Variants in CDH23 observed in about 807,000 individuals in gnomAD.
The protein encoded by CDH23 is cadherin related 23, also known as cadherin-23.
In CDH23, 189 loss-of-function variants were observed where a neutral mutation model predicts 317.1. That is an observed-to-expected ratio of 0.60 (90% CI 0.53 to 0.67). The LOEUF (loss-of-function observed/expected upper bound fraction) is 0.67, where lower values mean the gene tolerates loss of function less well. CDH23 is among the 30% of genes least tolerant of loss of function. The pLI is 0.00. For synonymous variants in CDH23, 1,839 were observed against 1,876.8 expected, an observed-to-expected ratio of 0.98 and a Z score of 0.52; for missense variants, 4,401 against 4,592.4, an observed-to-expected ratio of 0.96 and a Z score of 1.20.
chr10:71,682,681 G>A, intron 18 of CDH23, 109 bp downstream of exon 18: 3 of 1,382,744 alleles, frequency 2.2e-6, no homozygotes, highest in South Asian at 1.3e-5. Flanking sequence ...GGCTGTCCCT[G>A]CACCTTGGGG....
rs549521942 is a variant in CDH23 at position 71,759,743 on chromosome 10, C to T, written c.4845+17822C>T. ...AGAAGAATCGCTTGAATCCGGGAGGCGGAGGTTGCAGTGAGCCCAGATCGC... is the reference window on the plus strand; with the variant it reads ...AGAAGAATCGCTTGAATCCGGGAGGTGGAGGTTGCAGTGAGCCCAGATCGC... On this transcript the variant is annotated intron_variant, in intron 38 of 69. Transcript: ENST00000224721. Among the ~76,000 whole-genome samples the T allele has an allele frequency of 3.0e-4, 45 of 150,652 alleles. No individual in the cohort carries two copies. In the South Asian group the frequency reaches 4.9e-3, roughly 16 times the overall value.
At chr10:71,407,159 A>T (rs1008702276) in intron 1 of CDH23, among the ~76,000 whole-genome samples, 2 of 152,222 alleles carry the variant, frequency 1.3e-5, no homozygotes, top group Non-Finnish European at 2.9e-5. Context: ...ATTACTTTGT[A>T]CTGCACTTAC....
At chr10:71,657,123 T>C (rs1361699582) in intron 14 of CDH23, among the ~76,000 whole-genome samples, 5 of 152,126 alleles carry the variant, frequency 3.3e-5, no homozygotes, top group Non-Finnish European at 7.4e-5. Context: ...TGCGTCTCCA[T>C]CTCCGCCTGA....
intron 28 of CDH23, chr10:71,715,643 T>C (rs1479615616): frequency 6.5e-5 from 19 of 293,112 alleles, no homozygotes. Context: ...AGCCCCAGGT[T>C]GTACCCTGTG....
chr10:71,622,112 T>C (rs1380876608), intron 11 of CDH23, among the ~76,000 whole-genome samples: 1 of 152,138 alleles, frequency 6.6e-6, no homozygotes, highest in Non-Finnish European at 1.5e-5. Context: ...GCAGCCTCAT[T>C]CCCCTGCACC....
At chr10:71,409,158 T>C (rs1262148478) in intron 1 of CDH23, among the ~76,000 whole-genome samples, 4 of 152,198 alleles carry the variant, frequency 2.6e-5, no homozygotes, top group Non-Finnish European at 5.9e-5. Context: ...TTTTGTCTCC[T>C]GAGGCTTTGG....
rs766984170 is a variant in CDH23, at chr10:71,734,377, G to T, written c.4206+36G>T. 5 of 1,568,070 alleles carry T rather than the reference G, an allele frequency of 3.2e-6. No homozygotes were observed. In the South Asian group the frequency reaches 5.8e-5, roughly 18 times the overall value. On this transcript the variant is annotated intron_variant, in intron 33 of 69. Transcript: ENST00000224721. ...CCAGGGTGAGAGTCCCTCAGGTGCG[G>T]CCCATCGCTGGCCATGACACTTCCT...
rs143431631 is a variant in CDH23 at position 71,422,352 on chromosome 10, G to A, written c.-5-17475G>A. Among the ~76,000 whole-genome samples the A allele has an allele frequency of 3.5e-3, 526 of 152,322 alleles. 2 individuals carry two copies. Among genetic ancestry groups the A allele is most frequent in the Non-Finnish European group, 5.7e-3 (386 of 68,030 alleles). ...AATTCTGCCATTGTCACTTACTTCT[G>A]TGAGACCTCAGTCAACTAGACTCTT... On this transcript the variant is annotated intron_variant, in intron 1 of 69. Transcript: ENST00000224721.
At chr10:71,403,078 C>T (rs1847860130) in intron 1 of CDH23, among the ~76,000 whole-genome samples, 2 of 151,988 alleles carry the variant, frequency 1.3e-5, no homozygotes, top group South Asian at 2.1e-4. Flanking sequence ...GCCGAGATCG[C>T]GCCACTGCAC....
chr10:71,705,378 C>T (rs923712041), intron 25 of CDH23, among the ~76,000 whole-genome samples: 1 of 152,200 alleles, frequency 6.6e-6, no homozygotes, highest in African/African-American at 2.4e-5. Context: ...TGCCAAAGCC[C>T]CATCAACCCC....
intron 1 of CDH23, among the ~76,000 whole-genome samples, chr10:71,409,358 G>T (rs1172049493): frequency 6.6e-6 from 1 of 152,162 alleles, no homozygotes; most frequent in Non-Finnish European, 1.5e-5. Flanking sequence ...TCTTCCAAGG[G>T]CAATGAGCTT....
rs368597074 is a variant in CDH23, at chr10:71,815,246, A to T, written c.10033A>T (p.Met3345Leu). The T allele has an allele frequency of 6.3e-7, 1 of 1,588,196 alleles. No homozygotes were observed. Among genetic ancestry groups the T allele is most frequent in the Non-Finnish European group, 8.6e-7 (1 of 1,162,632 alleles). The stretch of plus-strand genomic sequence containing the variant: ...CCTGCACAAACTTCGCGACGTGATC[A>T]TGGAGACCCCCCTGGAGATCACAGA... ...TPLHKLRDVI[M>L]ETPLEITEL Residue 3345 changes from methionine to leucine, a missense_variant, in exon 70 of 70, where the codon ATG becomes TTG. Around this residue, in one of 3 missense-constraint regions of CDH23, gnomAD observed 1,144 missense variants for 1,138.2 expected, o/e 1.01. Coordinates refer to ENST00000224721, the MANE Select transcript of CDH23 (RefSeq NM_022124.6).
Position 71,707,017 on chromosome 10 carries a change from GC to G in CDH23, c.3076del (p.Leu1026SerfsTer27). 1 of 1,607,448 alleles carries G rather than the reference GC, an allele frequency of 6.2e-7. No homozygotes were observed. Among genetic ancestry groups the G allele is most frequent in the East Asian group, 2.2e-5 (1 of 44,604 alleles). On this transcript the variant is annotated frameshift_variant, in exon 26 of 70. Transcript: ENST00000224721. LOFTEE classifies it high-confidence loss of function. ...VWLNCTDNDV[G>X]LNAELSYFIT... The stretch of plus-strand genomic sequence containing the variant: ...CTGAACTGCACGGACAACGACGTGG[GC>G]CTCAATGCAGAGCTCAGCTACTTCA...
intron 6 of CDH23, among the ~76,000 whole-genome samples, chr10:71,519,655 GT>G (rs1854545389): frequency 6.6e-6 from 1 of 152,160 alleles, no homozygotes; most frequent in South Asian, 2.1e-4. Flanking sequence ...CTGAGCCTCA[GT>G]TTTTTCATCT....
At chr10:71,701,399 C>A (rs1425318678) in intron 22 of CDH23, among the ~76,000 whole-genome samples, 1 of 152,158 alleles carries the variant, frequency 6.6e-6, no homozygotes. Flanking sequence ...GGACAGCAGG[C>A]TGTGGGGTTC....
chr10:71,560,607 A>C (rs923581920), intron 6 of CDH23, among the ~76,000 whole-genome samples: 1 of 151,892 alleles, frequency 6.6e-6, no homozygotes, highest in African/African-American at 2.4e-5. Context: ...CTGACCTTCC[A>C]TTTTCCCCAT....
Position 71,807,271 on chromosome 10 carries a change from C to G in CDH23, c.8179-6C>G. 1 of 1,612,638 alleles carries G rather than the reference C, an allele frequency of 6.2e-7. No homozygotes were observed. Among genetic ancestry groups the G allele is most frequent in the African/African-American group, 1.3e-5 (1 of 75,040 alleles). On this transcript the variant is annotated splice_region_variant and splice_polypyrimidine_tract_variant and intron_variant, in intron 57 of 69. Transcript: ENST00000224721. Reference sequence around the variant, plus strand: ...CCCATGTGATGACATCCCCCTCCCTCTGCAGAAAGGCAGCCCCCAGTACCA... The same window carrying G: ...CCCATGTGATGACATCCCCCTCCCTGTGCAGAAAGGCAGCCCCCAGTACCA...
intron 3 of CDH23, among the ~76,000 whole-genome samples, chr10:71,460,025 G>T (rs1411961592): frequency 2.6e-5 from 4 of 152,176 alleles, no homozygotes; most frequent in Non-Finnish European, 5.9e-5. Flanking sequence ...TCCTCACAAC[G>T]CCCCATGAAG....
At chr10:71,780,243 A>T (rs1286857769) in intron 41 of CDH23, among the ~76,000 whole-genome samples, 1 of 152,236 alleles carries the variant, frequency 6.6e-6, no homozygotes, top group East Asian at 1.9e-4. Context: ...GATACCAAAC[A>T]GATGCAAATC....
Sources: gnomAD v4.1 joint callset for allele counts (sites outside exome capture counted in the v4.1 genomes callset) on GRCh38, gnomAD v4.1.1 for gene constraint, gnomAD v4.1.1 regional missense constraint, MANE v1.5 for transcripts, NCBI Gene and HGNC (gene_info 2026-07-23, HGNC 2026-07-21) for gene names.